The following RTN1 variants were observed in gnomAD, a reference collection of about 807,000 sequenced individuals.
The protein encoded by RTN1 is reticulon-1.
In RTN1, 25 loss-of-function variants were observed where a neutral mutation model predicts 65.5. The ratio of observed to expected loss-of-function variants is 0.38; its 90% CI spans 0.28 to 0.53. The LOEUF is 0.53. RTN1 is among the 20% of genes least tolerant of loss of function. The pLI, the probability that RTN1 is intolerant of heterozygous loss-of-function variation, is 0.79. For missense variants in RTN1, 983 were observed against 1,025.4 expected (o/e 0.96, Z 0.57); for synonymous variants, 471 against 447.6 (o/e 1.05, Z -0.66).
chr14:59,700,540 C>T (rs1000168444), intron 3 of RTN1, among the ~76,000 whole-genome samples: 2 of 152,068 alleles, frequency 1.3e-5, no homozygotes, highest in African/African-American at 4.8e-5. Flanking sequence ...ATCAATACAA[C>T]AAAATTAATT....
intron 1 of RTN1, among the ~76,000 whole-genome samples, chr14:59,866,373 C>T (rs954428037): frequency 6.6e-6 from 1 of 152,104 alleles, no homozygotes; most frequent in East Asian, 1.9e-4. Context: ...ACCAATAATG[C>T]TTCTCTCAAC....
At chr14:59,697,694 T>C (rs1243361437) in intron 3 of RTN1, among the ~76,000 whole-genome samples, 3 of 152,184 alleles carry the variant, frequency 2.0e-5, no homozygotes, top group South Asian at 2.1e-4. Context: ...TAGAAAAATA[T>C]ATAGCTTATT....
Position 59,870,611 on chromosome 14 carries a change from G to T in RTN1, c.20C>A (p.Pro7Gln). 1 of 1,427,644 alleles carries T rather than the reference G, an allele frequency of 7.0e-7. No individual in the cohort carries two copies. The highest frequency in any genetic ancestry group is 9.1e-7 in the Non-Finnish European group (1 of 1,094,980). The allele number at this position is 1,427,644 out of a possible 1,614,324, so 88.4% of individuals were successfully genotyped here. A position where few individuals can be genotyped will look rare whatever the true frequency, so the allele number is the denominator to read the frequency against. Residue 7 changes from proline (P) to glutamine (Q), a missense_variant, in exon 1 of 9, where the codon CCG becomes CAG. Transcript: ENST00000267484. The surrounding 1 kb of genome is among the most constrained non-coding windows in gnomAD (Gnocchi z 5.1). ...GGCCAGCGGCAGCAGCTCGTCCTGC[G>T]GATCCCCCGGCGCGGCCATGGCTGG... MAAPGD[P>Q]QDELLPLAGP...
chr14:59,717,441 A>G (rs1884560275), intron 3 of RTN1, among the ~76,000 whole-genome samples: 1 of 152,046 alleles, frequency 6.6e-6, no homozygotes, highest in African/African-American at 2.4e-5. Flanking sequence ...GAAGACTACA[A>G]CTCAACCCCA....
At position 59,774,053 on chromosome 14, in the gene RTN1, T is replaced by C. The variant is rs1359639511; in HGVS notation, c.242-27572A>G. Among the ~76,000 whole-genome samples the C allele has an allele frequency of 1.3e-5, 2 of 152,190 alleles. No individual in the cohort carries two copies. The highest frequency in any genetic ancestry group is 4.8e-5 in the African/African-American group (2 of 41,466). On this transcript the variant is annotated intron_variant, in intron 1 of 8. Coordinates refer to ENST00000267484, the MANE Select transcript of RTN1 (RefSeq NM_021136.3). This position sits in a 1 kb window ranked among gnomAD's most constrained non-coding sequence, Gnocchi z 5.1. ...TAAAACTGCATCCACGTTTGTGAAA[T>C]AGAATGCCAGATTTACAAATTTGGG...
chr14:59,657,922 G>A (rs1246635410), intron 3 of RTN1, among the ~76,000 whole-genome samples: 1 of 152,196 alleles, frequency 6.6e-6, no homozygotes, highest in Non-Finnish European at 1.5e-5. Flanking sequence ...AAAGGGGGAT[G>A]AGGCCAGGGA....
intron 3 of RTN1, among the ~76,000 whole-genome samples, chr14:59,655,804 G>A (rs8015509): frequency 0.29 from 44,166 of 152,036 alleles, 7,511 homozygotes; most frequent in Admixed American, 0.43. Context: ...AACAAATTTG[G>A]ACCTCTGCCT....
rs771792171 is a variant in RTN1, at chr14:59,793,636, C to CACCACACACACA, written c.242-47156_242-47155insTGTGTGTGTGGT. 4.0e-3 allele frequency among the ~76,000 whole-genome samples: 575 copies of CACCACACACACA among 144,290 alleles called. 1 individual carries two copies. Among genetic ancestry groups the CACCACACACACA allele is most frequent in the African/African-American group, 0.014 (545 of 38,652 alleles). 94.7% of individuals were successfully genotyped at this position (144,290 alleles called of 152,430 possible). On this transcript the variant is annotated intron_variant, in intron 1 of 8. Coordinates refer to ENST00000267484, the MANE Select transcript of RTN1 (RefSeq NM_021136.3). Reference sequence around the variant, plus strand: ...TTACCTTGTCAATTACAGGCACACACCACACACACACACACACACACACAC... The same window carrying CACCACACACACA: ...TTACCTTGTCAATTACAGGCACACACACCACACACACACACACACACACACACACACACACAC...
rs1886828379 is a variant in RTN1 at position 59,816,781 on chromosome 14, A to T, written c.241+53609T>A. Reference sequence around the variant, plus strand: ...AAATCCCACCTCTACAAAAAATACAATATTAGCTGGGTGTGGTGGCATGTG... The same window carrying T: ...AAATCCCACCTCTACAAAAAATACATTATTAGCTGGGTGTGGTGGCATGTG... On this transcript the variant is annotated intron_variant, in intron 1 of 8. Coordinates refer to ENST00000267484, the MANE Select transcript of RTN1 (RefSeq NM_021136.3). This position sits in a 1 kb window ranked among gnomAD's most constrained non-coding sequence, Gnocchi z 4.3. Among the ~76,000 whole-genome samples the T allele has an allele frequency of 6.6e-6, 1 of 152,066 alleles. No homozygotes were observed. Among genetic ancestry groups the T allele is most frequent in the Non-Finnish European group, 1.5e-5 (1 of 68,026 alleles).
chr14:59,697,493 T>C (rs1489900275), intron 3 of RTN1, among the ~76,000 whole-genome samples: 1 of 152,176 alleles, frequency 6.6e-6, no homozygotes, highest in Non-Finnish European at 1.5e-5. Context: ...CTCAAATCTG[T>C]CATCACTGAT....
chr14:59,629,489 T>G (rs1882486031), intron 3 of RTN1, among the ~76,000 whole-genome samples: 1 of 152,230 alleles, frequency 6.6e-6, no homozygotes, highest in African/African-American at 2.4e-5. Flanking sequence ...TGCAAAACCC[T>G]GCAGGTTAAA....
chr14:59,765,817 A>G (rs375834338), intron 1 of RTN1, among the ~76,000 whole-genome samples: 26 of 152,202 alleles, frequency 1.7e-4, no homozygotes, highest in African/African-American at 6.3e-4. Context: ...CATTATCTCC[A>G]ACATCTGGTG....
At chr14:59,856,481 T>G (rs1419089536) in intron 1 of RTN1, among the ~76,000 whole-genome samples, 1 of 152,138 alleles carries the variant, frequency 6.6e-6, no homozygotes, top group Non-Finnish European at 1.5e-5. Flanking sequence ...TTCCACTGAA[T>G]AGGAGAATCA....
chr14:59,727,277 C>A lies in RTN1; in HGVS notation c.1407G>T (p.Glu469Asp). 1 of 1,505,672 alleles carries A rather than the reference C, an allele frequency of 6.6e-7. No homozygotes were observed. The highest frequency in any genetic ancestry group is 8.9e-7 in the Non-Finnish European group (1 of 1,126,316). 93.3% of individuals were successfully genotyped at this position (1,505,672 alleles called of 1,614,324 possible). A position where few individuals can be genotyped will look rare whatever the true frequency, so the allele number is the denominator to read the frequency against. Reference sequence around the variant, plus strand: ...CCGAGGCCGAGGAGGCGTCGCACGACTCGATGATGAGCTCGCTGTCCAGCT... The same window carrying A: ...CCGAGGCCGAGGAGGCGTCGCACGAATCGATGATGAGCTCGCTGTCCAGCT... ...EAELDSELII[E>D]SCDASSASEE... is the part of the protein sequence containing the mutation. The change falls in exon 3 of 9, where the codon GAG becomes GAT. Residue 469 changes from glutamate (E) to aspartate (D), a missense_variant. By Grantham distance (45) the Glu-to-Asp change is conservative. Transcript: ENST00000267484. The surrounding 1 kb of genome is among the most constrained non-coding windows in gnomAD (Gnocchi z 4.2).
intron 1 of RTN1, among the ~76,000 whole-genome samples, chr14:59,795,813 GA>G (rs1422654412): frequency 6.6e-6 from 1 of 152,090 alleles, no homozygotes; most frequent in Non-Finnish European, 1.5e-5. Flanking sequence ...CACAGAAGAC[GA>G]ATTTTAGACA....
rs1887875395 is a variant in RTN1, at chr14:59,870,384, C to T, written c.241+6G>A. On this transcript the variant is annotated splice_donor_region_variant and intron_variant, in intron 1 of 8. Transcript: ENST00000267484. The surrounding 1 kb of genome is among the most constrained non-coding windows in gnomAD (Gnocchi z 5.1). ...GCCATTTGAGGGGCAGCGGCGCCCG[C>T]CTTACCTGTGGATGCAGTTTCCATG... 1 of 1,516,012 alleles carries T rather than the reference C, an allele frequency of 6.6e-7. No individual in the cohort carries two copies. The highest frequency in any genetic ancestry group is 2.7e-5 in the East Asian group (1 of 37,036). 93.9% of individuals were successfully genotyped at this position (1,516,012 alleles called of 1,614,324 possible).
At chr14:59,630,662 G>A in intron 3 of RTN1, 1 of 1,225,598 alleles carries the variant, frequency 8.2e-7, no homozygotes, top group Non-Finnish European at 1.0e-6. Flanking sequence ...GGGCGGGAGC[G>A]TCGCTGGCGC....
chr14:59,666,962 CAAAA>C (rs146213616), intron 3 of RTN1, among the ~76,000 whole-genome samples: 766 of 60,134 alleles, frequency 0.013, 20 homozygotes, highest in Admixed American at 0.12. Context: ...GCCGACCAAC[CAAAA>C]AAAAAAAAAA....
chr14:59,728,054 T>A (rs1326665287), intron 2 of RTN1, among the ~76,000 whole-genome samples: 1 of 152,166 alleles, frequency 6.6e-6, no homozygotes, highest in East Asian at 1.9e-4. Flanking sequence ...TTTTTCAATT[T>A]CACAGATTTT....
Sources: allele counts gnomAD v4.1 joint callset (sites outside exome capture counted in the v4.1 genomes callset), GRCh38; gene constraint gnomAD v4.1.1; non-coding constraint Gnocchi (gnomAD v3.1); transcripts MANE v1.5; gene names NCBI Gene and HGNC (gene_info 2026-07-23, HGNC 2026-07-21).